LRRC37A2: variants seen among roughly 807,000 people sequenced by gnomAD.
LRRC37A2 encodes the protein leucine-rich repeat-containing protein 37A2.
Under a neutral mutation model 68.8 loss-of-function variants are expected in LRRC37A2, and 9 were observed. That is an observed-to-expected ratio of 0.13 (90% CI 0.08 to 0.23). The LOEUF (loss-of-function observed/expected upper bound fraction) is 0.23. Among genes scored for constraint, LRRC37A2 ranks in the 10% least tolerant of loss-of-function variants. The pLI is 1.00. For synonymous variants in LRRC37A2, 63 were observed against 367.6 expected (o/e 0.17, Z 9.48); for missense variants, 168 against 950.4 (o/e 0.18, Z 10.82).
chr17:46,788,915 A>G, the LRRC37A2 span, among the ~76,000 whole-genome samples: 1 of 151,928 alleles, frequency 6.6e-6, no homozygotes, highest in Non-Finnish European at 1.5e-5. Flanking sequence ...CACAGCTGCT[A>G]GCTCCACAGT....
chr17:46,714,862 G>T, the LRRC37A2 span, among the ~76,000 whole-genome samples: 2 of 152,186 alleles, frequency 1.3e-5, no homozygotes, highest in East Asian at 3.8e-4. Context: ...TCAGAATGAG[G>T]TGAAAGAATC....
At chr17:46,932,737 A>G in the LRRC37A2 span, 3 of 189,160 alleles carry the variant, frequency 1.6e-5, no homozygotes, top group Non-Finnish European at 3.3e-5. Flanking sequence ...GTTGGTTTGC[A>G]TGTTTGATTT....
chr17:46,501,844 G>C, the LRRC37A2 span, among the ~76,000 whole-genome samples: 2 of 151,132 alleles, frequency 1.3e-5, no homozygotes, highest in Admixed American at 1.3e-4. Flanking sequence ...AATTAACCTT[G>C]ATCAAATCTG....
At chr17:46,455,422 CA>C in the LRRC37A2 span, among the ~76,000 whole-genome samples, 1 of 80,492 alleles carries the variant, frequency 1.2e-5, no homozygotes, top group Non-Finnish European at 2.5e-5. Flanking sequence ...CATGTTCAAC[CA>C]AAGGCACAGT....
chr17:46,947,941 C>T, the LRRC37A2 span, among the ~76,000 whole-genome samples: 4 of 152,026 alleles, frequency 2.6e-5, no homozygotes, highest in Admixed American at 6.6e-5. Flanking sequence ...GCTAATTTTT[C>T]GTGTTTTTAC....
At chr17:46,914,909 T>G in the LRRC37A2 span, among the ~76,000 whole-genome samples, 2 of 152,192 alleles carry the variant, frequency 1.3e-5, no homozygotes, top group African/African-American at 4.8e-5. Flanking sequence ...TGCATTCTGA[T>G]AGAACTTAAT....
chr17:46,747,595 T>C, the LRRC37A2 span, among the ~76,000 whole-genome samples: 2 of 152,126 alleles, frequency 1.3e-5, no homozygotes, highest in African/African-American at 4.8e-5. Context: ...AAACAAGATA[T>C]TGTATTTTAA....
chr17:46,979,699 G>A, the LRRC37A2 span, among the ~76,000 whole-genome samples: 1 of 151,408 alleles, frequency 6.6e-6, no homozygotes, highest in African/African-American at 2.4e-5. Context: ...AAGCTGTCGC[G>A]GCGAGGCGGG....
the LRRC37A2 span, among the ~76,000 whole-genome samples, chr17:46,717,578 G>A: frequency 0.014 from 2,195 of 152,216 alleles, 48 homozygotes; most frequent in African/African-American, 0.05. Context: ...AGGCATGATG[G>A]CATGTGCCCT....
At chr17:46,768,290 C>T in the LRRC37A2 span, 24 of 1,612,610 alleles carry the variant, frequency 1.5e-5, no homozygotes, top group East Asian at 8.9e-5. This position sits in a 1 kb window ranked among gnomAD's most constrained non-coding sequence, Gnocchi z 5.0. Context: ...CCCAGCCTCC[C>T]CCCTGCTTCC....
At chr17:46,887,013 C>T in the LRRC37A2 span, among the ~76,000 whole-genome samples, 1 of 152,124 alleles carries the variant, frequency 6.6e-6, no homozygotes, top group Non-Finnish European at 1.5e-5. Context: ...GACGGGGTTT[C>T]ACCATGTTGC....
the LRRC37A2 span, among the ~76,000 whole-genome samples, chr17:46,610,231 G>A: frequency 2.1e-5 from 2 of 93,346 alleles, no homozygotes; most frequent in Non-Finnish European, 4.6e-5. Flanking sequence ...CTCCCAAAGT[G>A]TTGAGATTAT....
At chr17:46,771,681 G>C in the LRRC37A2 span, among the ~76,000 whole-genome samples, 11 of 143,588 alleles carry the variant, frequency 7.7e-5, no homozygotes, top group Admixed American at 6.8e-4. Context: ...GCGTAGCAAC[G>C]GGCGGCTCCC....
the LRRC37A2 span, among the ~76,000 whole-genome samples, chr17:46,492,718 G>T: frequency 1.5e-5 from 2 of 131,440 alleles, no homozygotes; most frequent in Non-Finnish European, 3.0e-5. Context: ...TTTTGAGATG[G>T]AGTCTGGCTC....
the LRRC37A2 span, among the ~76,000 whole-genome samples, chr17:46,790,957 G>A: frequency 1.3e-5 from 2 of 152,164 alleles, no homozygotes; most frequent in Non-Finnish European, 2.9e-5. Flanking sequence ...CCCCTGCCCA[G>A]GCCTGACTCC....
chr17:46,989,285 C>A, the LRRC37A2 span, among the ~76,000 whole-genome samples: 20 of 152,308 alleles, frequency 1.3e-4, no homozygotes, highest in Non-Finnish European at 2.4e-4. Flanking sequence ...GGGACTACCC[C>A]CTTCGAACAG....
At chr17:47,049,102 G>A in the LRRC37A2 span, 4 of 899,908 alleles carry the variant, frequency 4.4e-6, no homozygotes, top group Non-Finnish European at 7.1e-6. Context: ...GCACTCAAAT[G>A]TTTGCTGACT....
the LRRC37A2 span, among the ~76,000 whole-genome samples, chr17:46,802,505 TG>T: frequency 6.6e-6 from 1 of 152,170 alleles, no homozygotes; most frequent in African/African-American, 2.4e-5. Flanking sequence ...TGACCTCAGA[TG>T]ATCCACCTGC....
the LRRC37A2 span, chr17:47,019,478 G>C: frequency 3.8e-6 from 6 of 1,589,130 alleles, no homozygotes; most frequent in South Asian, 4.4e-5. Context: ...CCACTACAGA[G>C]ATTGGACATT....
Sources: gnomAD v4.1 joint callset for allele counts (sites outside exome capture counted in the v4.1 genomes callset) on GRCh38, gnomAD v4.1.1 for gene constraint, Gnocchi (gnomAD v3.1) non-coding constraint, MANE v1.5 for transcripts, NCBI Gene and HGNC (gene_info 2026-07-23, HGNC 2026-07-21) for gene names.